The following MARCHF2 variants were observed in gnomAD, a reference collection of about 807,000 sequenced individuals.
MARCHF2 encodes the protein E3 ubiquitin-protein ligase MARCHF2.
Under a neutral mutation model 24.0 loss-of-function variants are expected in MARCHF2, and 22 were observed. That is an observed-to-expected ratio of 0.92 (90% CI 0.66 to 1.31). MARCHF2 has a LOEUF of 1.31. Ranked by LOEUF, MARCHF2 falls within the 50% of genes most tolerant of loss-of-function variation. The probability of loss-of-function intolerance (pLI) is 0.00; values close to 1 mark genes in which losing one functional copy is unlikely to be tolerated. For synonymous variants in MARCHF2, 154 were observed against 153.0 expected (o/e 1.01, Z -0.05); for missense variants, 301 against 335.3 (o/e 0.90, Z 0.80).
intron 4 of MARCHF2, among the ~76,000 whole-genome samples, chr19:8,435,020 A>ATTT (rs199880511): frequency 2.4e-4 from 31 of 130,902 alleles, no homozygotes; most frequent in African/African-American, 6.2e-4. Context: ...TTATTTTTTA[A>ATTT]TTTTTTTTTT....
intron 1 of MARCHF2, among the ~76,000 whole-genome samples, chr19:8,415,262 G>A (rs529162577): frequency 6.6e-6 from 1 of 151,894 alleles, no homozygotes; most frequent in Non-Finnish European, 1.5e-5. Flanking sequence ...GCTGGATGTG[G>A]TGGTGTGCAG....
chr19:8,436,197 C>T (rs1251034696), intron 4 of MARCHF2, among the ~76,000 whole-genome samples: 1 of 151,168 alleles, frequency 6.6e-6, no homozygotes, highest in African/African-American at 2.4e-5. Context: ...TGCAGTGGTG[C>T]GATCTTGGCT....
intron 2 of MARCHF2, chr19:8,423,621 AAGCAGCCATG>A (rs1484932253): frequency 4.6e-5 from 7 of 152,064 alleles, no homozygotes; most frequent in Non-Finnish European, 8.8e-5. Flanking sequence ...ACTGTTGAGA[AAGCAGCCATG>A]AGCAGCCTGT....
In MARCHF2 at chr19:8,413,359, C is replaced by G. The variant is rs995027640; in HGVS notation, c.-114C>G. 2.0e-5 allele frequency: 3 copies of G among 151,656 alleles called. No individual in the cohort carries two copies. The East Asian group carries it at 5.8e-4, about 29-fold the overall frequency. The allele number at this position is 151,656 out of a possible 1,614,324, so 9.4% of individuals were successfully genotyped here. ...GTGGCGCCGACGGGCCGGGCCGGGC[C>G]GGGACCGGGGCCGAGGCGAACCGAG... On this transcript the variant is annotated 5_prime_UTR_variant, in exon 1 of 5. Coordinates refer to ENST00000215555, the MANE Select transcript of MARCHF2 (RefSeq NM_001005415.2).
chr19:8,413,991 G>A (rs754325366), intron 1 of MARCHF2, among the ~76,000 whole-genome samples: 2 of 152,142 alleles, frequency 1.3e-5, no homozygotes, highest in East Asian at 1.9e-4. Flanking sequence ...GCTCAAAGAG[G>A]TTAAGTGTCT....
At chr19:8,417,924 G>T (rs982002264) in intron 1 of MARCHF2, among the ~76,000 whole-genome samples, 1 of 150,932 alleles carries the variant, frequency 6.6e-6, no homozygotes, top group Non-Finnish European at 1.5e-5. Flanking sequence ...CAACATGCCT[G>T]GCTAATTTTT....
rs780346231 is a variant in MARCHF2, at chr19:8,426,571, G to A, written c.177-38G>A. The A allele has an allele frequency of 5.1e-6, 8 of 1,575,270 alleles. No individual in the cohort carries two copies. The South Asian group carries it at 5.6e-5, about 11-fold the overall frequency. On this transcript the variant is annotated intron_variant, in intron 2 of 4. Transcript: ENST00000215555. The stretch of plus-strand genomic sequence containing the variant: ...GTAGTGAAGCAGGTATAGACAGAAA[G>A]CCCAATCATTGCTCATGGGTCCTAT...
chr19:8,421,218 G>A (rs566861359), intron 1 of MARCHF2, among the ~76,000 whole-genome samples: 95 of 151,600 alleles, frequency 6.3e-4, no homozygotes, highest in African/African-American at 2.3e-3. Flanking sequence ...CCCCTCCTGG[G>A]TTCAAGCGAT....
intron 2 of MARCHF2, among the ~76,000 whole-genome samples, chr19:8,424,417 C>T (rs1001583146): frequency 6.6e-6 from 1 of 152,128 alleles, no homozygotes; most frequent in African/African-American, 2.4e-5. Context: ...CCTGTAATCC[C>T]AGCACTTTGG....
intron 1 of MARCHF2, among the ~76,000 whole-genome samples, chr19:8,420,987 T>TA (rs1967221492): frequency 1.3e-5 from 2 of 152,010 alleles, no homozygotes; most frequent in South Asian, 2.1e-4. Context: ...TTTATAAAGA[T>TA]AGAGTCTTGA....
chr19:8,422,134 T>C, intron 2 of MARCHF2, 118 bp downstream of exon 2: 2 of 1,074,592 alleles, frequency 1.9e-6, no homozygotes, highest in Non-Finnish European at 2.6e-6. Flanking sequence ...AGTGGGTAAA[T>C]AGAGAAAGAG....
intron 2 of MARCHF2, among the ~76,000 whole-genome samples, chr19:8,423,083 A>G (rs898637119): frequency 6.8e-6 from 1 of 146,310 alleles, no homozygotes; most frequent in Admixed American, 7.0e-5. Context: ...TTTTGGAGAC[A>G]GAGTCTCACT....
rs1462470256 is a variant in MARCHF2 at position 8,433,735 on chromosome 19, A to AT, written c.582+2869dup. ...AAAAATTAGCCAGGTGTGGTGGCAC[A>AT]TGCCAGTAATCCTAGCTACTCGGGA... is the stretch of plus-strand genomic sequence containing the variant. On this transcript the variant is annotated intron_variant, in intron 4 of 4. Transcript: ENST00000215555. Among the ~76,000 whole-genome samples the AT allele has an allele frequency of 2.6e-5, 4 of 151,740 alleles. No homozygotes were observed. The South Asian group carries it at 8.3e-4, about 32-fold the overall frequency.
rs1408271989 is a variant in MARCHF2 at position 8,421,996 on chromosome 19, C to T, written c.156C>T (p.Ile52=). Residue 52 remains isoleucine, a synonymous_variant, in exon 2 of 5, where the codon ATC becomes ATT. Transcript: ENST00000215555. The part of the protein sequence containing the change: ...SRDGRLLSTV[I]RALDTPSDGP... ...ATGGCCGGCTCCTCTCCACCGTCAT[C>T]CGTGCCTTGGACACACCGAGGTGAG... is the stretch of plus-strand genomic sequence containing the variant. 6.2e-7 allele frequency: 1 copy of T among 1,613,036 alleles called. No individual in the cohort carries two copies. Among genetic ancestry groups the T allele is most frequent in the African/African-American group, 1.3e-5 (1 of 75,028 alleles).
intron 4 of MARCHF2, among the ~76,000 whole-genome samples, chr19:8,437,058 C>T (rs1304837879): frequency 6.7e-6 from 1 of 150,218 alleles, no homozygotes; most frequent in Non-Finnish European, 1.5e-5. Context: ...CAGCTTGCTG[C>T]AGCGTCAACC....
At chr19:8,431,646 G>C (rs998638991) in intron 4 of MARCHF2, among the ~76,000 whole-genome samples, 1 of 151,884 alleles carries the variant, frequency 6.6e-6, no homozygotes, top group African/African-American at 2.4e-5. Context: ...AGACCAGCCT[G>C]GCCAACATGG....
At chr19:8,431,497 C>CAAAAAA (rs60782968) in intron 4 of MARCHF2, among the ~76,000 whole-genome samples, 1 of 57,498 alleles carries the variant, frequency 1.7e-5, no homozygotes, top group Non-Finnish European at 3.0e-5. Context: ...AACTCGATCT[C>CAAAAAA]AAAAAAAAAA....
chr19:8,419,163 C>T (rs555606659), intron 1 of MARCHF2, among the ~76,000 whole-genome samples: 1 of 151,838 alleles, frequency 6.6e-6, no homozygotes, highest in Non-Finnish European at 1.5e-5. Context: ...GAGTTTGAGA[C>T]CATCCTGGCC....
At chr19:8,427,989 G>A (rs952332618) in intron 3 of MARCHF2, among the ~76,000 whole-genome samples, 4 of 145,902 alleles carry the variant, frequency 2.7e-5, no homozygotes, top group African/African-American at 7.6e-5. Flanking sequence ...GGCTGGGCAC[G>A]GTGGCTCATG....
Sources: gnomAD v4.1 joint callset for allele counts (sites outside exome capture counted in the v4.1 genomes callset) on GRCh38, gnomAD v4.1.1 for gene constraint, MANE v1.5 for transcripts, NCBI Gene and HGNC (gene_info 2026-07-23, HGNC 2026-07-21) for gene names.